VPS54: variants seen among roughly 807,000 people sequenced by gnomAD.
VPS54 encodes VPS54 subunit of GARP complex.
Under a neutral mutation model 121.5 loss-of-function variants are expected in VPS54, and 45 were observed. That is an observed-to-expected ratio of 0.37 (90% CI 0.29 to 0.47). The LOEUF (loss-of-function observed/expected upper bound fraction) is 0.47. VPS54 is among the 20% of genes least tolerant of loss of function. The probability of loss-of-function intolerance (pLI) is 0.99; values close to 1 mark genes in which losing one functional copy is unlikely to be tolerated. For synonymous variants in VPS54, 371 were observed against 385.8 expected (o/e 0.96, Z 0.45); for missense variants, 1,090 against 1,131.4 (o/e 0.96, Z 0.52).
At chr2:63,906,587 T>A (rs1672912696) in intron 20 of VPS54, among the ~76,000 whole-genome samples, 1 of 152,136 alleles carries the variant, frequency 6.6e-6, no homozygotes, top group Non-Finnish European at 1.5e-5. Context: ...AAGCACTGGT[T>A]TGTAGTATTT....
chr2:63,919,121 T>C (rs1673518848), intron 15 of VPS54, among the ~76,000 whole-genome samples: 1 of 152,070 alleles, frequency 6.6e-6, no homozygotes, highest in Non-Finnish European at 1.5e-5. Flanking sequence ...AGGACTATTA[T>C]AAATAAATTT....
chr2:63,939,372 A>G (rs897746209), intron 11 of VPS54, among the ~76,000 whole-genome samples: 1 of 152,052 alleles, frequency 6.6e-6, no homozygotes, highest in African/African-American at 2.4e-5. Flanking sequence ...CTCTACCTCA[A>G]AAAAAAACAA....
chr2:63,989,387 G>C (rs763899012), intron 1 of VPS54, among the ~76,000 whole-genome samples: 1 of 152,068 alleles, frequency 6.6e-6, no homozygotes, highest in Non-Finnish European at 1.5e-5. Flanking sequence ...TCGGCTCAGG[G>C]GGCATCATGG....
chr2:63,912,262 A>C, intron 20 of VPS54, 83 bp downstream of exon 20: 1 of 1,185,602 alleles, frequency 8.4e-7, no homozygotes, highest in Non-Finnish European at 1.2e-6. Flanking sequence ...ATCTTTTCAC[A>C]TCTTAATTTA....
chr2:64,018,520 A>G (rs942499975), intron 1 of VPS54, among the ~76,000 whole-genome samples: 1 of 152,208 alleles, frequency 6.6e-6, no homozygotes, highest in Admixed American at 6.5e-5. Context: ...CCTTCCCCGG[A>G]GAGAAAAACA....
chr2:63,949,296 T>G, intron 7 of VPS54, 133 bp from the exon 8 acceptor site: 1 of 873,054 alleles, frequency 1.1e-6, no homozygotes, highest in Non-Finnish European at 1.7e-6. Flanking sequence ...TTTCAAAAAA[T>G]GAAGTCCTTT....
At chr2:63,995,430 C>T (rs1174831808) in intron 1 of VPS54, among the ~76,000 whole-genome samples, 2 of 152,220 alleles carry the variant, frequency 1.3e-5, no homozygotes, top group Admixed American at 6.5e-5. Flanking sequence ...CCCCTCAATA[C>T]ATTTAATTAA....
intron 1 of VPS54, among the ~76,000 whole-genome samples, chr2:64,001,581 G>A (rs541765573): frequency 9.9e-5 from 15 of 152,162 alleles, no homozygotes; most frequent in African/African-American, 3.6e-4. Context: ...AGTCAGCACA[G>A]GATGGATCCT....
intron 3 of VPS54, 120 bp downstream of exon 3, chr2:63,981,526 T>C: frequency 8.8e-7 from 1 of 1,135,198 alleles, no homozygotes; most frequent in Non-Finnish European, 1.2e-6. Flanking sequence ...ACAATTTGTA[T>C]GAACGAAAAG....
intron 11 of VPS54, among the ~76,000 whole-genome samples, chr2:63,940,559 T>G (rs112722603): frequency 5.8e-4 from 89 of 152,308 alleles, no homozygotes; most frequent in African/African-American, 2.0e-3. Context: ...TGAAACCACG[T>G]ACAGCAGGTT....
intron 7 of VPS54, among the ~76,000 whole-genome samples, chr2:63,956,725 A>T (rs2104547424): frequency 6.6e-6 from 1 of 152,272 alleles, no homozygotes; most frequent in Admixed American, 6.5e-5. Flanking sequence ...GGAGTGGGCG[A>T]TGTCAATATA....
intron 11 of VPS54, among the ~76,000 whole-genome samples, chr2:63,938,875 T>G (rs1336989793): frequency 6.6e-6 from 1 of 152,224 alleles, no homozygotes; most frequent in Non-Finnish European, 1.5e-5. Flanking sequence ...TTAATGCCAC[T>G]GAATTGTGCA....
chr2:63,927,484 C>CA (rs1458807349), intron 12 of VPS54, among the ~76,000 whole-genome samples: 2 of 152,110 alleles, frequency 1.3e-5, no homozygotes, highest in African/African-American at 4.8e-5. Flanking sequence ...AAAGAACATC[C>CA]ACACCAAAAT....
At chr2:63,905,572 G>A (rs1204737566) in intron 20 of VPS54, among the ~76,000 whole-genome samples, 1 of 151,352 alleles carries the variant, frequency 6.6e-6, no homozygotes, top group African/African-American at 2.4e-5. Context: ...AGACCAAATG[G>A]CTTTACGGGT....
intron 1 of VPS54, among the ~76,000 whole-genome samples, chr2:64,004,304 G>C (rs188872908): frequency 6.6e-6 from 1 of 152,236 alleles, no homozygotes; most frequent in East Asian, 1.9e-4. Flanking sequence ...CAATGTAAAA[G>C]CTAATTCAGG....
chr2:63,911,026 C>G (rs1213917753), intron 20 of VPS54, among the ~76,000 whole-genome samples: 1 of 152,134 alleles, frequency 6.6e-6, no homozygotes, highest in East Asian at 1.9e-4. Context: ...TTCCACTATT[C>G]CCAGCCTAGT....
chr2:64,008,293 A>T (rs192126479), intron 1 of VPS54, among the ~76,000 whole-genome samples: 7 of 152,264 alleles, frequency 4.6e-5, no homozygotes, highest in African/African-American at 1.7e-4. Flanking sequence ...ATGCACCTGT[A>T]ATCCCAGCTA....
intron 1 of VPS54, among the ~76,000 whole-genome samples, chr2:64,006,518 C>T (rs1016235056): frequency 2.6e-5 from 4 of 152,342 alleles, no homozygotes; most frequent in African/African-American, 9.6e-5. Context: ...GCAGTATCTT[C>T]CTCATAGGAA....
chr2:63,988,310 T>C (rs1677150102), intron 1 of VPS54, among the ~76,000 whole-genome samples: 1 of 152,242 alleles, frequency 6.6e-6, no homozygotes, highest in African/African-American at 2.4e-5. Context: ...ATGTATCACC[T>C]TTGCACATGT....
Sources: allele counts gnomAD v4.1 joint callset (sites outside exome capture counted in the v4.1 genomes callset), GRCh38; gene constraint gnomAD v4.1.1; transcripts MANE v1.5; gene names NCBI Gene and HGNC (gene_info 2026-07-23, HGNC 2026-07-21).